SLCO4A1: variants seen among roughly 807,000 people sequenced by gnomAD.
SLCO4A1 encodes solute carrier organic anion transporter family member 4A1.
SLCO4A1 carries 51 observed loss-of-function variants against 64.6 expected under a neutral mutation model. The ratio of observed to expected loss-of-function variants is 0.79; its 90% CI spans 0.63 to 1.00. The LOEUF is 1.00. SLCO4A1 is among the 50% of genes least tolerant of loss of function. SLCO4A1 has a pLI of 0.00. For missense variants in SLCO4A1, 919 were observed against 980.5 expected, an observed-to-expected ratio of 0.94 and a Z score of 0.84; for synonymous variants, 471 against 444.9, an observed-to-expected ratio of 1.06 and a Z score of -0.74.
chr20:62,656,521 G>A lies in SLCO4A1; in HGVS notation c.67G>A (p.Gly23Arg), dbSNP rs768690643. ...CAGCCCCAACTCAGCCATGGAAAACGGGCTTGACCACACCCCACCCAGCAG... is the reference window on the plus strand; with the variant it reads ...CAGCCCCAACTCAGCCATGGAAAACAGGCTTGACCACACCCCACCCAGCAG... ...FPSPNSAMENGLDHTPPSRRA... is the reference protein window; with the variant it reads ...FPSPNSAMENRLDHTPPSRRA... The change falls in exon 2 of 12, where the codon GGG becomes AGG. Residue 23 changes from glycine to arginine, a missense_variant. Gly to Arg is a moderately radical substitution (Grantham distance 125). Transcript: ENST00000217159. 5.1e-5 allele frequency: 80 copies of A among 1,565,020 alleles called. No individual in the cohort carries two copies. Among genetic ancestry groups the A allele is most frequent in the Non-Finnish European group, 6.7e-5 (78 of 1,157,782 alleles).
intron 1 of SLCO4A1, among the ~76,000 whole-genome samples, chr20:62,648,497 C>G (rs531985530): frequency 1.6e-4 from 24 of 152,158 alleles, no homozygotes; most frequent in African/African-American, 4.8e-4. Context: ...CTCCTTCCCA[C>G]CTGCCGGCTG....
chr20:62,668,296 G>A (rs1373986726), intron 9 of SLCO4A1, 112 bp downstream of exon 9: 1 of 1,354,980 alleles, frequency 7.4e-7, no homozygotes. Flanking sequence ...GGTCTAAGCG[G>A]GCCTGTCTGT....
intron 2 of SLCO4A1, among the ~76,000 whole-genome samples, chr20:62,682,591 C>A (rs1401907289): frequency 5.3e-5 from 8 of 152,062 alleles, no homozygotes; most frequent in Non-Finnish European, 1.0e-4. Context: ...GGGGCACCTG[C>A]CAAAGTCCAG....
downstream of SLCO4A1, among the ~76,000 whole-genome samples, chr20:62,674,102 C>T (rs1987473512): frequency 6.6e-6 from 1 of 152,190 alleles, no homozygotes; most frequent in South Asian, 2.1e-4. Flanking sequence ...TCCCACGAGA[C>T]CATTTCGGCG....
intron 2 of SLCO4A1, among the ~76,000 whole-genome samples, chr20:62,678,486 A>G (rs1987688991): frequency 6.6e-6 from 1 of 151,318 alleles, no homozygotes; most frequent in Non-Finnish European, 1.5e-5. Context: ...AGGCAAAATT[A>G]TGTTCACACA....
chr20:62,643,481 C>T (rs2147050884), intron 1 of SLCO4A1, among the ~76,000 whole-genome samples: 1 of 152,362 alleles, frequency 6.6e-6, no homozygotes, highest in East Asian at 1.9e-4. Context: ...TGGGGGGTGC[C>T]CCGCTTGGCG....
chr20:62,660,678 C>G, intron 4 of SLCO4A1, 145 bp downstream of exon 4: 2 of 1,079,374 alleles, frequency 1.9e-6, no homozygotes, highest in Admixed American at 2.0e-5. Flanking sequence ...TTCTTCCCAT[C>G]TGGGTGGAGA....
intron 1 of SLCO4A1, among the ~76,000 whole-genome samples, chr20:62,647,659 C>T (rs1174733379): frequency 3.3e-5 from 5 of 152,278 alleles, no homozygotes; most frequent in Non-Finnish European, 5.9e-5. Flanking sequence ...GCGCTGAGAG[C>T]GCTTTGCAGG....
At position 62,657,248 on chromosome 20, in the gene SLCO4A1, T is replaced by C. The variant is rs779994549; in HGVS notation, c.794T>C (p.Ile265Thr). The change falls in exon 2 of 12, where the codon ATT becomes ACT. Residue 265 changes from isoleucine to threonine, a missense_variant and splice_region_variant. By Grantham distance (89) the Ile-to-Thr change is moderately conservative. Transcript: ENST00000217159. ...AAGTCCAGCTGCTCGCCCGTCTACA[T>C]TGGTGAGTGGGGCTGGCGGGGTAAG... ...NVKSSCSPVY[I>T]AIFYTAAILG... 13 of 1,523,508 alleles carry C rather than the reference T, an allele frequency of 8.5e-6. No homozygotes were observed. The Admixed American group carries it at 1.8e-4, about 21-fold the overall frequency. 94.4% of individuals were successfully genotyped at this position (1,523,508 alleles called of 1,614,324 possible).
Position 62,656,379 on chromosome 20 carries a change from A to G in SLCO4A1, c.-76A>G, listed in dbSNP as rs1983712929. ...CACAGGACACACCAGCCCCTCGGATACCACTTGGCCACTCCCGCTGAGGCC... is the reference window on the plus strand; with the variant it reads ...CACAGGACACACCAGCCCCTCGGATGCCACTTGGCCACTCCCGCTGAGGCC... On this transcript the variant is annotated 5_prime_UTR_variant, in exon 2 of 12. It adds an upstream start codon to the 5' untranslated region. Coordinates refer to ENST00000217159, the MANE Select transcript of SLCO4A1 (RefSeq NM_016354.4). 4 of 1,295,868 alleles carry G rather than the reference A, an allele frequency of 3.1e-6. No individual in the cohort carries two copies. In the East Asian group the frequency reaches 1.0e-4, roughly 33 times the overall value. The allele number at this position is 1,295,868 out of a possible 1,614,324, so 80.3% of individuals were successfully genotyped here.
At chr20:62,652,585 G>T (rs1233484936) in intron 1 of SLCO4A1, among the ~76,000 whole-genome samples, 1 of 152,212 alleles carries the variant, frequency 6.6e-6, no homozygotes, top group Non-Finnish European at 1.5e-5. Context: ...CTCGTGGGTG[G>T]CCGTGGGTGG....
At position 62,685,043 on chromosome 20, in the gene SLCO4A1, A is replaced by G. The variant is rs117365186; in HGVS notation, n.212-398A>G. ...GAGACCAGTAATGGGGCGGATTAGC[A>G]GGGGCCAAGGGTCTGGGGTGAGGCC... On this transcript the variant is annotated intron_variant and non_coding_transcript_variant, in intron 2 of 2. Transcript: ENST00000466818. This position sits in a 1 kb window ranked among gnomAD's most constrained non-coding sequence, Gnocchi z 4.6. 0.019 allele frequency among the ~76,000 whole-genome samples: 2,927 copies of G among 152,166 alleles called. 41 individuals are homozygous for G. The highest frequency in any genetic ancestry group is 0.03 in the Non-Finnish European group (2,029 of 67,982).
chr20:62,673,166 G>C (rs145837132), downstream of SLCO4A1, among the ~76,000 whole-genome samples: 673 of 141,922 alleles, frequency 4.7e-3, 56 homozygotes, highest in African/African-American at 0.016. Flanking sequence ...GAGGGGCATG[G>C]GGGGGGCACA....
At chr20:62,670,306 T>A (rs1555917809) in intron 11 of SLCO4A1, 1 of 152,248 alleles carries the variant, frequency 6.6e-6, no homozygotes, top group Non-Finnish European at 1.5e-5. Flanking sequence ...ACCATTTGAC[T>A]TCATAAGACA....
chr20:62,648,074 C>T (rs922568523), intron 1 of SLCO4A1, among the ~76,000 whole-genome samples: 20 of 152,250 alleles, frequency 1.3e-4, no homozygotes, highest in Non-Finnish European at 2.6e-4. Context: ...TGCCCCCAGC[C>T]GGAGGCTCCA....
downstream of SLCO4A1, among the ~76,000 whole-genome samples, chr20:62,676,270 A>T (rs1327888248): frequency 6.6e-6 from 1 of 152,000 alleles, no homozygotes; most frequent in Non-Finnish European, 1.5e-5. Context: ...AATACAAAAC[A>T]TTAGCCGGGC....
intron 11 of SLCO4A1, among the ~76,000 whole-genome samples, chr20:62,669,511 G>A (rs8124538): frequency 0.18 from 27,863 of 152,214 alleles, 2,615 homozygotes; most frequent in Non-Finnish European, 0.21. Flanking sequence ...CAGCCTCTCC[G>A]TGATCAGTGC....
rs1002139239 is a variant in SLCO4A1 at position 62,657,110 on chromosome 20, G to A, written c.656G>A (p.Ser219Asn). The A allele has an allele frequency of 6.3e-7, 1 of 1,587,980 alleles. No individual in the cohort carries two copies. ...AACCCCGGCGCGGTGTGTGCGGACA[G>A]CACCTCGGGCCTGTCCCGCTACCAG... Reference protein sequence around the residue: ...PANPGAVCADSTSGLSRYQLV... With the variant: ...PANPGAVCADNTSGLSRYQLV... The change falls in exon 2 of 12, where the codon AGC (serine) becomes AAC (asparagine). Residue 219 changes from serine (S) to asparagine (N), a missense_variant. Coordinates refer to ENST00000217159, the MANE Select transcript of SLCO4A1 (RefSeq NM_016354.4).
intron 5 of SLCO4A1, among the ~76,000 whole-genome samples, chr20:62,662,180 G>T (rs924816584): frequency 1.3e-5 from 2 of 152,142 alleles, no homozygotes; most frequent in African/African-American, 2.4e-5. Flanking sequence ...AGCTGTCCAC[G>T]GCAGAGAGGA....
Sources: allele counts gnomAD v4.1 joint callset (sites outside exome capture counted in the v4.1 genomes callset), GRCh38; gene constraint gnomAD v4.1.1; non-coding constraint Gnocchi (gnomAD v3.1); transcripts MANE v1.5; gene names NCBI Gene and HGNC (gene_info 2026-07-23, HGNC 2026-07-21).